Variants in WSCD1 observed in about 807,000 individuals in gnomAD.
WSCD1 encodes the protein sialate:O-sulfotransferase 1.
A neutral mutation model predicts 60.4 loss-of-function variants in WSCD1; 41 were observed. The observed-to-expected ratio is 0.68, with a 90% CI of 0.53 to 0.88. WSCD1 has a LOEUF of 0.88. WSCD1 is among the 40% of genes least tolerant of loss of function. The probability of loss-of-function intolerance (pLI) is 0.00; values close to 1 mark genes in which losing one functional copy is unlikely to be tolerated. For missense variants in WSCD1, 784 were observed against 796.2 expected (o/e 0.98, Z 0.18); for synonymous variants, 361 against 332.5 (o/e 1.09, Z -0.93).
chr17:6,105,842 C>T (rs185049026), intron 5 of WSCD1, among the ~76,000 whole-genome samples: 1 of 152,258 alleles, frequency 6.6e-6, no homozygotes, highest in Admixed American at 6.5e-5. Flanking sequence ...ACAGGAATCC[C>T]AGGACAGCAG....
intron 4 of WSCD1, among the ~76,000 whole-genome samples, chr17:6,094,609 A>AGAAG (rs769977095): frequency 2.1e-4 from 31 of 149,684 alleles, no homozygotes; most frequent in East Asian, 1.2e-3. Flanking sequence ...GGAAGGAAGG[A>AGAAG]GAAGGAAGGA....
chr17:6,088,661 A>G (rs913482102), intron 3 of WSCD1, among the ~76,000 whole-genome samples: 1 of 151,116 alleles, frequency 6.6e-6, no homozygotes, highest in African/African-American at 2.4e-5. Flanking sequence ...CCTAATGTCA[A>G]GGCCCTCACA....
chr17:6,111,032 T>C (rs1401001454), intron 7 of WSCD1, 97 bp downstream of exon 7: 5 of 1,452,832 alleles, frequency 3.4e-6, no homozygotes, highest in Non-Finnish European at 4.6e-6. Context: ...GCAGTGCATC[T>C]CAAACTTGAG....
Position 6,088,029 on chromosome 17 carries a change from G to C in WSCD1, c.467G>C (p.Arg156Thr). The C allele has an allele frequency of 1.9e-6, 3 of 1,614,192 alleles. No homozygotes were observed. Among genetic ancestry groups the C allele is most frequent in the South Asian group, 1.1e-5 (1 of 91,088 alleles). The change falls in exon 3 of 9, where the codon AGG becomes ACG. Residue 156 changes from arginine to threonine, a missense_variant. Coordinates refer to ENST00000317744, the MANE Select transcript of WSCD1 (RefSeq NM_015253.2). ...TGCTTCAGTGACGATGGCCACGAGA[G>C]GACTCTGAAAGGAGCTGTGTTTTAT... ...IGCFSDDGHERTLKGAVFYDL... is the reference protein window; with the variant it reads ...IGCFSDDGHETTLKGAVFYDL...
chr17:6,069,774 G>GGTGT (rs746125445), upstream of WSCD1, among the ~76,000 whole-genome samples: 970 of 106,556 alleles, frequency 9.1e-3, 4 homozygotes, highest in Middle Eastern at 0.024. Flanking sequence ...ACGGTGATCC[G>GGTGT]GTGTGTGTGT....
rs75660972 is a variant in WSCD1 at position 6,110,682 on chromosome 17, C to T, written c.1010-89C>T. The T allele has an allele frequency of 1.6e-3, 2,413 of 1,473,912 alleles. 15 individuals are homozygous for T. In the African/African-American group the frequency reaches 0.018, roughly 11 times the overall value. 91.3% of individuals were successfully genotyped at this position (1,473,912 alleles called of 1,614,324 possible). On this transcript the variant is annotated intron_variant, in intron 6 of 8. Coordinates refer to ENST00000317744, the MANE Select transcript of WSCD1 (RefSeq NM_015253.2). This position sits in a 1 kb window ranked among gnomAD's most constrained non-coding sequence, Gnocchi z 4.8. ...CCCCCATCTATTAAATGGGAGTCTT[C>T]GTTCATCAGTTCCTCTAAGGGAGTT...
intron 1 of WSCD1, among the ~76,000 whole-genome samples, chr17:6,071,827 G>T (rs1908561834): frequency 6.6e-6 from 1 of 152,164 alleles, no homozygotes; most frequent in Non-Finnish European, 1.5e-5. Context: ...GGAGAATGAG[G>T]TTTGTCTCTC....
chr17:6,111,187 C>T (rs1238386811), intron 7 of WSCD1, among the ~76,000 whole-genome samples: 3 of 152,128 alleles, frequency 2.0e-5, no homozygotes, highest in African/African-American at 2.4e-5. Context: ...GCCACTGAGG[C>T]ACTTGCAGAC....
At chr17:6,073,744 G>C (rs373365921) in intron 1 of WSCD1, among the ~76,000 whole-genome samples, 16 of 152,378 alleles carry the variant, frequency 1.1e-4, no homozygotes, top group African/African-American at 3.4e-4. Flanking sequence ...GAAAAATGCC[G>C]GCCCCGGCGC....
chr17:6,120,804 G>A lies in WSCD1; in HGVS notation c.*143G>A. 1 of 824,244 alleles carries A rather than the reference G, an allele frequency of 1.2e-6. No homozygotes were observed. 51.1% of individuals were successfully genotyped at this position (824,244 alleles called of 1,614,324 possible). On this transcript the variant is annotated 3_prime_UTR_variant, in exon 9 of 9. Transcript: ENST00000317744. The stretch of plus-strand genomic sequence containing the variant: ...CACCCTGGTGCTGCCTCCCGCACAA[G>A]GAGACCTGGACACAACAGACACACA...
chr17:6,106,351 G>A (rs1350508754), intron 5 of WSCD1, among the ~76,000 whole-genome samples: 1 of 152,222 alleles, frequency 6.6e-6, no homozygotes, highest in African/African-American at 2.4e-5. Flanking sequence ...ACCGGGAACA[G>A]CCCAGGTGTC....
intron 5 of WSCD1, among the ~76,000 whole-genome samples, chr17:6,105,964 C>T (rs1223648562): frequency 6.6e-6 from 1 of 152,198 alleles, no homozygotes; most frequent in African/African-American, 2.4e-5. Flanking sequence ...AAATCAGACT[C>T]AAGTTAGTTT....
rs780901136 is a variant in WSCD1 at position 6,080,956 on chromosome 17, C to T, written c.298C>T (p.Arg100Cys). 80 of 1,558,156 alleles carry T rather than the reference C, an allele frequency of 5.1e-5. No individual in the cohort carries two copies. Among genetic ancestry groups the T allele is most frequent in the Middle Eastern group, 1.7e-4 (1 of 5,998 alleles). The change falls in exon 2 of 9, where the codon CGC (arginine) becomes TGC (cysteine). Residue 100 changes from arginine to cysteine, a missense_variant. By Grantham distance (180) the Arg-to-Cys change is radical (BLOSUM62 -3). Coordinates refer to ENST00000317744, the MANE Select transcript of WSCD1 (RefSeq NM_015253.2). This position sits in a 1 kb window ranked among gnomAD's most constrained non-coding sequence, Gnocchi z 6.6. ...CCTGACCCGGCCCCGGCCCGGCCCC[C>T]GCTGGCTCCGGAGCCGCAACTCGGA... Reference protein sequence around the residue: ...SPLTRPRPGPRWLRSRNSELR... With the variant: ...SPLTRPRPGPCWLRSRNSELR...
At chr17:6,081,380 TA>T (rs959399115) in intron 2 of WSCD1, among the ~76,000 whole-genome samples, 19 of 151,942 alleles carry the variant, frequency 1.3e-4, no homozygotes, top group African/African-American at 4.6e-4. Context: ...TTTTTTTTTT[TA>T]ATCTCAGAGA....
At chr17:6,096,355 A>G (rs1284935176) in intron 5 of WSCD1, among the ~76,000 whole-genome samples, 1 of 152,082 alleles carries the variant, frequency 6.6e-6, no homozygotes, top group Non-Finnish European at 1.5e-5. Context: ...CAGGAGCAGC[A>G]CAGCCATCCT....
chr17:6,113,130 A>G (rs890244017), intron 7 of WSCD1, among the ~76,000 whole-genome samples: 6 of 152,194 alleles, frequency 3.9e-5, no homozygotes, highest in Non-Finnish European at 8.8e-5. Flanking sequence ...TAGAGAACCC[A>G]GAAATAAATC....
Position 6,081,002 on chromosome 17 carries a change from G to A in WSCD1, c.344G>A (p.Arg115His), listed in dbSNP as rs1158450714. 11 of 1,545,022 alleles carry A rather than the reference G, an allele frequency of 7.1e-6. No individual in the cohort carries two copies. The highest frequency in any genetic ancestry group is 5.9e-5 in the Admixed American group (3 of 51,040). ...RNSELRQLRRRWFHHFMSDSQ... is the reference protein window; with the variant it reads ...RNSELRQLRRHWFHHFMSDSQ... Reference sequence around the variant, plus strand: ...TCGGAGCTGCGTCAGTTGCGTCGCCGCTGGTTCCACCACTTCATGAGTGAC... The same window carrying A: ...TCGGAGCTGCGTCAGTTGCGTCGCCACTGGTTCCACCACTTCATGAGTGAC... The change falls in exon 2 of 9, where the codon CGC (arginine) becomes CAC (histidine). Residue 115 changes from arginine to histidine, a missense_variant. Transcript: ENST00000317744.
chr17:6,073,061 C>G (rs1217750017), intron 1 of WSCD1, among the ~76,000 whole-genome samples: 1 of 152,220 alleles, frequency 6.6e-6, no homozygotes. Context: ...GCTCCCTTGA[C>G]ATGAGGGGGT....
Position 6,080,420 on chromosome 17 carries a change from C to T in WSCD1, c.-239C>T. Reference sequence around the variant, plus strand: ...CGGTAGAGCCCTGGAATGGAGATGTCCTTGACGCCTGGGCAGAGGCTGCAG... The same window carrying T: ...CGGTAGAGCCCTGGAATGGAGATGTTCTTGACGCCTGGGCAGAGGCTGCAG... On this transcript the variant is annotated 5_prime_UTR_variant, in exon 2 of 9. Transcript: ENST00000317744. The surrounding 1 kb of genome is among the most constrained non-coding windows in gnomAD (Gnocchi z 6.6). 2 of 548,724 alleles carry T rather than the reference C, an allele frequency of 3.6e-6. No individual in the cohort carries two copies. Among genetic ancestry groups the T allele is most frequent in the Non-Finnish European group, 6.4e-6 (2 of 313,102 alleles). 34.0% of individuals were successfully genotyped at this position (548,724 alleles called of 1,614,324 possible).
Sources: allele counts gnomAD v4.1 joint callset (sites outside exome capture counted in the v4.1 genomes callset), GRCh38; gene constraint gnomAD v4.1.1; non-coding constraint Gnocchi (gnomAD v3.1); transcripts MANE v1.5; gene names NCBI Gene and HGNC (gene_info 2026-07-23, HGNC 2026-07-21).